Variants in KCNJ16 observed in about 807,000 individuals in gnomAD.
KCNJ16 encodes the protein inward rectifier potassium channel 16.
In KCNJ16, 15 loss-of-function variants were observed where a neutral mutation model predicts 18.5. The observed-to-expected ratio is 0.81, with a 90% CI of 0.54 to 1.25. The LOEUF (loss-of-function observed/expected upper bound fraction) is 1.25. Ranked by LOEUF, KCNJ16 falls within the 50% of genes most tolerant of loss-of-function variation. The probability of loss-of-function intolerance (pLI) is 0.00; values close to 1 mark genes in which losing one functional copy is unlikely to be tolerated. For synonymous variants in KCNJ16, 174 were observed against 186.5 expected, an observed-to-expected ratio of 0.93 and a Z score of 0.55; for missense variants, 523 against 525.7, an observed-to-expected ratio of 0.99 and a Z score of 0.05.
At chr17:70,075,453 CTG>C (rs1281938417) in intron 1 of KCNJ16, 63 bp downstream of exon 1, 1 of 152,126 alleles carries the variant, frequency 6.6e-6, no homozygotes, top group African/African-American at 2.4e-5. Flanking sequence ...TTGCTGGCAT[CTG>C]TGTTTGGGGA....
At chr17:70,098,220 G>C (rs181173964) in intron 1 of KCNJ16, among the ~76,000 whole-genome samples, 4 of 152,262 alleles carry the variant, frequency 2.6e-5, no homozygotes, top group Non-Finnish European at 5.9e-5. Context: ...AATAGAGTAA[G>C]GGTGTAAATT....
Position 70,134,312 on chromosome 17 carries a change from G to A in KCNJ16, c.*968G>A, listed in dbSNP as rs749060546. ...AGGATAGAACCTTTTTGGGGGGAGGGTGGGGAGGGAGATATTTATTTGTGC... is the reference window on the plus strand; with the variant it reads ...AGGATAGAACCTTTTTGGGGGGAGGATGGGGAGGGAGATATTTATTTGTGC... On this transcript the variant is annotated 3_prime_UTR_variant, in exon 4 of 4. Coordinates refer to ENST00000392671, the MANE Select transcript of KCNJ16 (RefSeq NM_170741.4). 6.1e-6 allele frequency: 1 copy of A among 165,216 alleles called. No individual in the cohort carries two copies. Among genetic ancestry groups the A allele is most frequent in the Admixed American group, 6.6e-5 (1 of 15,118 alleles). The allele number at this position is 165,216 out of a possible 1,614,324, so 10.2% of individuals were successfully genotyped here.
At chr17:70,095,823 G>C (rs1371703554) in intron 1 of KCNJ16, among the ~76,000 whole-genome samples, 1 of 140,156 alleles carries the variant, frequency 7.1e-6, no homozygotes, top group African/African-American at 2.7e-5. Context: ...AGATCCCTTT[G>C]ATCTAGCTCA....
At chr17:70,089,587 A>G (rs1454500572) in intron 1 of KCNJ16, among the ~76,000 whole-genome samples, 2 of 152,200 alleles carry the variant, frequency 1.3e-5, no homozygotes, top group Non-Finnish European at 2.9e-5. Context: ...ACTGAAGCAT[A>G]AAACTACAGG....
rs908858512 is a variant in KCNJ16 at position 70,133,404 on chromosome 17, C to T, written c.*60C>T. The T allele has an allele frequency of 6.2e-6, 9 of 1,451,466 alleles. No individual in the cohort carries two copies. Among genetic ancestry groups the T allele is most frequent in the African/African-American group, 5.7e-5 (4 of 70,238 alleles). The allele number at this position is 1,451,466 out of a possible 1,614,324, so 89.9% of individuals were successfully genotyped here. A position where few individuals can be genotyped will look rare whatever the true frequency, so the allele number is the denominator to read the frequency against. On this transcript the variant is annotated 3_prime_UTR_variant, in exon 4 of 4. Transcript: ENST00000392671. ...CATTTTATCTTTCAGCCAATCAAGT[C>T]GTTGTAAACGTGGCTTTTTTGAAAG...
intron 1 of KCNJ16, among the ~76,000 whole-genome samples, chr17:70,078,511 A>G (rs987954102): frequency 6.6e-6 from 1 of 152,174 alleles, no homozygotes; most frequent in Admixed American, 6.5e-5. Flanking sequence ...CTGAGAAACA[A>G]ATATTCAGTT....
intron 1 of KCNJ16, among the ~76,000 whole-genome samples, chr17:70,092,339 C>A (rs1000665209): frequency 1.3e-5 from 2 of 152,014 alleles, no homozygotes; most frequent in Non-Finnish European, 2.9e-5. Flanking sequence ...ACTTCCTGAC[C>A]ATGGGATGTT....
chr17:70,080,745 C>T (rs537505407), intron 1 of KCNJ16, among the ~76,000 whole-genome samples: 1 of 152,282 alleles, frequency 6.6e-6, no homozygotes, highest in African/African-American at 2.4e-5. Context: ...ACTATGTGCT[C>T]TCCTCATCTC....
chr17:70,079,116 TCA>T (rs1248078584), intron 1 of KCNJ16, among the ~76,000 whole-genome samples: 4 of 152,142 alleles, frequency 2.6e-5, no homozygotes, highest in African/African-American at 7.2e-5. Flanking sequence ...AGGAATTGGC[TCA>T]AGCGATTATG....
At chr17:70,110,482 G>GCACACACA (rs34424075) in intron 2 of KCNJ16, among the ~76,000 whole-genome samples, 13 of 149,782 alleles carry the variant, frequency 8.7e-5, no homozygotes, top group African/African-American at 3.2e-4. Flanking sequence ...CTTCGTGCGC[G>GCACACACA]CACACACACA....
chr17:70,124,151 C>T lies in KCNJ16; in HGVS notation c.-190-6728C>T, dbSNP rs546037087. Among the ~76,000 whole-genome samples, 8 of 152,310 alleles carry T rather than the reference C, an allele frequency of 5.3e-5. No individual in the cohort carries two copies. In the East Asian group the frequency reaches 9.6e-4, roughly 18 times the overall value. ...GTTGAGAGCATTTTAACCTAAGGCT[C>T]GGAATGAAGAGCTCACTCTGAACTT... On this transcript the variant is annotated intron_variant, in intron 2 of 3. Transcript: ENST00000392671.
At chr17:70,130,361 A>T (rs1211750077) in intron 2 of KCNJ16, among the ~76,000 whole-genome samples, 1 of 152,168 alleles carries the variant, frequency 6.6e-6, no homozygotes, top group Admixed American at 6.5e-5. Context: ...ATACAATTGG[A>T]TCCCCCCAAA....
intron 1 of KCNJ16, among the ~76,000 whole-genome samples, chr17:70,092,592 TAGA>T: frequency 1.3e-5 from 2 of 151,642 alleles, no homozygotes; most frequent in South Asian, 4.2e-4. Flanking sequence ...GATAGATAGA[TAGA>T]TAGATAGATA....
Position 70,132,689 on chromosome 17 carries a change from G to C in KCNJ16, c.602G>C (p.Trp201Ser), listed in dbSNP as rs766626757. 2.5e-6 allele frequency: 4 copies of C among 1,614,060 alleles called. No homozygotes were observed. In the Admixed American group the frequency reaches 6.7e-5, roughly 27 times the overall value. ...GMRDGKLCLM[W>S]RIGDFRPNHV... ...AGAGATGGGAAGCTTTGCCTCATGTGGCGCATTGGTGATTTTCGGCCAAAC... is the reference window on the plus strand; with the variant it reads ...AGAGATGGGAAGCTTTGCCTCATGTCGCGCATTGGTGATTTTCGGCCAAAC... Residue 201 changes from tryptophan (W) to serine (S), a missense_variant, in exon 4 of 4, where the codon TGG becomes TCG. Trp to Ser is a radical substitution (Grantham distance 177). Transcript: ENST00000392671.
chr17:70,107,532 T>C (rs781308231), intron 2 of KCNJ16, among the ~76,000 whole-genome samples: 6 of 152,144 alleles, frequency 3.9e-5, no homozygotes, highest in Admixed American at 2.6e-4. Context: ...GAGTGTTTTG[T>C]TTTCTTTGAG....
At chr17:70,097,534 C>T (rs1442789449) in intron 1 of KCNJ16, among the ~76,000 whole-genome samples, 3 of 152,132 alleles carry the variant, frequency 2.0e-5, no homozygotes, top group African/African-American at 7.2e-5. Flanking sequence ...CATACATATT[C>T]TATTAGATTC....
At chr17:70,108,712 C>A (rs2073045872) in intron 2 of KCNJ16, among the ~76,000 whole-genome samples, 1 of 152,096 alleles carries the variant, frequency 6.6e-6, no homozygotes. Context: ...ACTGGGAATT[C>A]TCTGTGGCTA....
In KCNJ16 at chr17:70,132,771, A is replaced by T. The variant is rs772716001; in HGVS notation, c.684A>T (p.Glu228Asp). ...AQLLRYTEDS[E>D]GRMTMAFKDL... The stretch of plus-strand genomic sequence containing the variant: ...TTCTCCGCTATACAGAAGACAGTGA[A>T]GGGAGGATGACGATGGCATTTAAAG... Residue 228 changes from glutamate (E) to aspartate (D), a missense_variant, in exon 4 of 4, where the codon GAA (glutamate) becomes GAT (aspartate). Transcript: ENST00000392671. 6.2e-6 allele frequency: 10 copies of T among 1,614,004 alleles called. No individual in the cohort carries two copies. Among genetic ancestry groups the T allele is most frequent in the Non-Finnish European group, 8.5e-6 (10 of 1,180,030 alleles).
intron 1 of KCNJ16, among the ~76,000 whole-genome samples, chr17:70,087,554 A>G (rs2071867719): frequency 6.6e-6 from 1 of 151,964 alleles, no homozygotes; most frequent in Non-Finnish European, 1.5e-5. Flanking sequence ...ATACAAAAAT[A>G]AAATTAGCCG....
Sources: allele counts gnomAD v4.1 joint callset (sites outside exome capture counted in the v4.1 genomes callset), GRCh38; gene constraint gnomAD v4.1.1; transcripts MANE v1.5; gene names NCBI Gene and HGNC (gene_info 2026-07-23, HGNC 2026-07-21).